Variants in SMS observed in about 807,000 individuals in gnomAD.
The protein encoded by SMS is spermine synthase.
SMS carries 3 observed loss-of-function variants against 33.0 expected under a neutral mutation model. The ratio of observed to expected loss-of-function variants is 0.09; its 90% CI spans 0.04 to 0.23. The LOEUF is 0.23. Ranked by LOEUF, SMS falls within the 10% of genes least tolerant of loss-of-function variation. The pLI, the probability that SMS is intolerant of heterozygous loss-of-function variation, is 1.00. For missense variants in SMS, 117 were observed against 288.6 expected, an observed-to-expected ratio of 0.41 and a Z score of 4.31; for synonymous variants, 103 against 112.2, an observed-to-expected ratio of 0.92 and a Z score of 0.52.
chrX:21,946,914 C>T (rs753915679), intron 1 of SMS, among the ~76,000 whole-genome samples: 1 of 111,089 alleles, frequency 9.0e-6, no homozygotes, highest in South Asian at 3.8e-4. Flanking sequence ...GAGGATGGGC[C>T]CTGTCTTTCT....
chrX:21,994,474 A>T lies in SMS; in HGVS notation c.*123A>T. The T allele has an allele frequency of 4.6e-6, 5 of 1,089,206 alleles. No homozygotes were observed. The South Asian group carries it at 9.0e-5, about 20-fold the overall frequency. 89.8% of individuals were successfully genotyped at this position (1,089,206 alleles called of 1,213,427 possible). ...TCCTTAAAGTTTTCCTTTTTTTAAT[A>T]ATTATTTTTAATTTAAAAAAGCAAA... On this transcript the variant is annotated 3_prime_UTR_variant, in exon 11 of 11. Transcript: ENST00000404933.
At chrX:21,958,317 GTTTC>G (rs958500618) in intron 1 of SMS, among the ~76,000 whole-genome samples, 2 of 112,098 alleles carry the variant, frequency 1.8e-5, no homozygotes, top group Admixed American at 9.5e-5. Flanking sequence ...TGAGGATCCA[GTTTC>G]TTTCTTCTAC....
chrX:21,969,195 G>T (rs1419490983), intron 2 of SMS, among the ~76,000 whole-genome samples: 4 of 111,664 alleles, frequency 3.6e-5, no homozygotes, highest in Non-Finnish European at 7.5e-5. Flanking sequence ...GGCATTAATT[G>T]GTGTTCTCTA....
chrX:21,955,244 A>C (rs1196783382), intron 1 of SMS, among the ~76,000 whole-genome samples: 2 of 112,557 alleles, frequency 1.8e-5, no homozygotes, highest in Non-Finnish European at 3.8e-5. Flanking sequence ...GTGCTCAGAA[A>C]GCATATTTCA....
chrX:21,991,964 C>T (rs1257296911), intron 9 of SMS, among the ~76,000 whole-genome samples: 1 of 111,832 alleles, frequency 8.9e-6, no homozygotes, highest in Non-Finnish European at 1.9e-5. Context: ...TCATTGACTA[C>T]CCCTAGCTGC....
At chrX:21,974,616 A>C (rs759868104) in intron 4 of SMS, among the ~76,000 whole-genome samples, 2 of 111,996 alleles carry the variant, frequency 1.8e-5, no homozygotes, top group East Asian at 5.6e-4. Flanking sequence ...TGCCTCTAGG[A>C]GTGAGTAAAC....
chrX:21,949,075 G>T (rs746715526), intron 1 of SMS, among the ~76,000 whole-genome samples: 1 of 111,847 alleles, frequency 8.9e-6, no homozygotes, highest in Non-Finnish European at 1.9e-5. Flanking sequence ...TCTGTGTTCC[G>T]GAAGGAGCCA....
At chrX:21,969,101 C>G (rs1923941747) in intron 2 of SMS, among the ~76,000 whole-genome samples, 3 of 110,974 alleles carry the variant, frequency 2.7e-5, no homozygotes, top group Non-Finnish European at 3.8e-5. Context: ...ATTCCAGAGA[C>G]CTAGAGATGA....
intron 1 of SMS, among the ~76,000 whole-genome samples, chrX:21,956,321 T>C (rs2147497115): frequency 8.9e-6 from 1 of 112,317 alleles, no homozygotes; most frequent in Admixed American, 9.4e-5. Context: ...CTCTGTTCTG[T>C]CACCCAGGCA....
intron 1 of SMS, among the ~76,000 whole-genome samples, chrX:21,942,205 ATTTTTAACACTGTTCC>A: frequency 9.0e-6 from 1 of 110,713 alleles, no homozygotes; most frequent in Non-Finnish European, 1.9e-5. Flanking sequence ...TTCTCTTACC[ATTTTTAACACTGTTCC>A]TTTCTTTCTG....
At chrX:21,970,650 C>T (rs1924073388) in intron 2 of SMS, among the ~76,000 whole-genome samples, 1 of 109,925 alleles carries the variant, frequency 9.1e-6, no homozygotes, top group African/African-American at 3.3e-5. Context: ...CTCACTTAGG[C>T]CTTGACCTCC....
Position 21,967,208 on chromosome X carries a change from C to G in SMS, c.62C>G (p.Thr21Ser), listed in dbSNP as rs150246774. 5 of 1,206,625 alleles carry G rather than the reference C, an allele frequency of 4.1e-6. No homozygotes were observed. The African/African-American group carries it at 8.8e-5, about 21-fold the overall frequency. ...CCTTGTTCTCCAGCTGATGGTGAGA[C>G]CATTCTAAAAGGCCTCCAGTCCATT... is the stretch of plus-strand genomic sequence containing the variant. ...FMLGAKADGE[T>S]ILKGLQSIFQ... is the part of the protein sequence containing the mutation. Residue 21 changes from threonine (T) to serine (S), a missense_variant, in exon 2 of 11, where the codon ACC (threonine) becomes AGC (serine). Transcript: ENST00000404933.
chrX:21,972,877 C>T (rs1022515074), intron 4 of SMS, among the ~76,000 whole-genome samples: 3 of 101,303 alleles, frequency 3.0e-5, no homozygotes, highest in Non-Finnish European at 6.0e-5. Flanking sequence ...GATCATCGCA[C>T]CGCTGCACTC....
chrX:21,976,272 C>T (rs1210839693), intron 4 of SMS, among the ~76,000 whole-genome samples: 4 of 111,156 alleles, frequency 3.6e-5, no homozygotes, highest in Non-Finnish European at 7.5e-5. Context: ...AGTTTCAGAG[C>T]ACCACCCCAC....
chrX:21,945,634 T>TCCCCCCCCCC (rs376720187), intron 1 of SMS, among the ~76,000 whole-genome samples: 20 of 34,140 alleles, frequency 5.9e-4, no homozygotes, highest in Admixed American at 8.5e-4. Context: ...TTGCTTCCCG[T>TCCCCCCCCCC]CCCCCCCCCC....
At chrX:21,946,909 T>TG (rs1206527555) in intron 1 of SMS, among the ~76,000 whole-genome samples, 1 of 111,422 alleles carries the variant, frequency 9.0e-6, no homozygotes, top group Admixed American at 9.5e-5. Flanking sequence ...GGAAGGAGGA[T>TG]GGGCCCTGTC....
intron 5 of SMS, among the ~76,000 whole-genome samples, chrX:21,977,531 G>A (rs1268187175): frequency 3.6e-5 from 4 of 111,288 alleles, no homozygotes; most frequent in Admixed American, 2.9e-4. Flanking sequence ...AACCTAAGTA[G>A]ACAAACTAGT....
intron 5 of SMS, among the ~76,000 whole-genome samples, chrX:21,977,514 C>G (rs1410483270): frequency 1.8e-5 from 2 of 111,406 alleles, no homozygotes; most frequent in Non-Finnish European, 3.8e-5. Flanking sequence ...TGTTACAGAA[C>G]AATTCAAACC....
At chrX:21,974,079 C>T (rs1924372173) in intron 4 of SMS, among the ~76,000 whole-genome samples, 1 of 112,547 alleles carries the variant, frequency 8.9e-6, no homozygotes, top group African/African-American at 3.2e-5. Flanking sequence ...GAGACCAACA[C>T]AGAGGGACTT....
Sources: allele counts gnomAD v4.1 joint callset (sites outside exome capture counted in the v4.1 genomes callset), GRCh38; gene constraint gnomAD v4.1.1; transcripts MANE v1.5; gene names NCBI Gene and HGNC (gene_info 2026-07-23, HGNC 2026-07-21).